PRKD1: variants seen among roughly 807,000 people sequenced by gnomAD.
PRKD1 encodes serine/threonine-protein kinase D1.
A neutral mutation model predicts 95.9 loss-of-function variants in PRKD1; 63 were observed. The ratio of observed to expected loss-of-function variants is 0.66; its 90% CI spans 0.54 to 0.81. The LOEUF (loss-of-function observed/expected upper bound fraction) is 0.81. PRKD1 is among the 30% of genes least tolerant of loss of function. The pLI is 0.00. For missense variants in PRKD1, 1,048 were observed against 1,165.3 expected (o/e 0.90, Z 1.47); for synonymous variants, 425 against 423.1 (o/e 1.00, Z -0.05).
intron 1 of PRKD1, among the ~76,000 whole-genome samples, chr14:29,805,363 G>A (rs1017535163): frequency 6.6e-6 from 1 of 152,080 alleles, no homozygotes; most frequent in Non-Finnish European, 1.5e-5. Context: ...AAATAACAGA[G>A]AAAAAGGCAA....
chr14:29,665,651 A>G, intron 3 of PRKD1, among the ~76,000 whole-genome samples: 1 of 152,118 alleles, frequency 6.6e-6, no homozygotes, highest in East Asian at 1.9e-4. Flanking sequence ...TATGGAATCA[A>G]CCTAAGTGCC....
At chr14:29,627,638 CTT>C (rs1879711467) in intron 11 of PRKD1, among the ~76,000 whole-genome samples, 1 of 152,086 alleles carries the variant, frequency 6.6e-6, no homozygotes, top group African/African-American at 2.4e-5. Context: ...TATACTCTGA[CTT>C]TATTTTTTTA....
chr14:29,691,149 A>G (rs1376887259), intron 2 of PRKD1, among the ~76,000 whole-genome samples: 1 of 152,164 alleles, frequency 6.6e-6, no homozygotes, highest in African/African-American at 2.4e-5. Context: ...GAAAGAGCCC[A>G]CTCATTTTTA....
At chr14:29,819,332 T>C (rs1279025342) in intron 1 of PRKD1, among the ~76,000 whole-genome samples, 2 of 152,046 alleles carry the variant, frequency 1.3e-5, no homozygotes, top group Non-Finnish European at 2.9e-5. Flanking sequence ...TGGTGCGTAA[T>C]ATCCTCAGAC....
At chr14:29,651,553 ATT>A (rs907363312) in intron 4 of PRKD1, among the ~76,000 whole-genome samples, 1 of 151,888 alleles carries the variant, frequency 6.6e-6, no homozygotes, top group African/African-American at 2.4e-5. Flanking sequence ...TAGAGGCTGA[ATT>A]TTCTCTAGTT....
chr14:29,802,548 C>T (rs1434549440), intron 1 of PRKD1, among the ~76,000 whole-genome samples: 1 of 152,152 alleles, frequency 6.6e-6, no homozygotes, highest in Non-Finnish European at 1.5e-5. Context: ...AAATTTAAAA[C>T]AAGGTAACAA....
Position 29,673,805 on chromosome 14 carries a change from T to C in PRKD1, c.404-7597A>G, listed in dbSNP as rs186416473. On this transcript the variant is annotated intron_variant, in intron 2 of 17. Coordinates refer to ENST00000331968, the MANE Select transcript of PRKD1 (RefSeq NM_002742.3). ...AGTTTACAAAGTGTCTAGCAGTGCT[T>C]TCCAGAGATGTTTTTGCTAGTACCT... 7.9e-5 allele frequency among the ~76,000 whole-genome samples: 12 copies of C among 152,310 alleles called. No individual in the cohort carries two copies. The East Asian group carries it at 2.3e-3, about 29-fold the overall frequency.
At chr14:29,827,688 A>G (rs938870178) in intron 1 of PRKD1, among the ~76,000 whole-genome samples, 2 of 146,072 alleles carry the variant, frequency 1.4e-5, no homozygotes, top group Non-Finnish European at 2.9e-5. Flanking sequence ...CTTAGAATAC[A>G]GCCTAACCAT....
rs549079223 is a variant in PRKD1 at position 29,905,099 on chromosome 14, C to T, written c.264+22150G>A. On this transcript the variant is annotated intron_variant, in intron 1 of 17. Coordinates refer to ENST00000331968, the MANE Select transcript of PRKD1 (RefSeq NM_002742.3). ...TACATACCAATGTACTTTGGGCAAA[C>T]GGTTGCATGCTACAGGCTGAAATGA... 3.9e-5 allele frequency among the ~76,000 whole-genome samples: 6 copies of T among 152,252 alleles called. No homozygotes were observed. In the South Asian group the frequency reaches 8.3e-4, roughly 21 times the overall value.
intron 3 of PRKD1, among the ~76,000 whole-genome samples, chr14:29,664,067 G>C (rs1882344567): frequency 6.6e-6 from 1 of 152,060 alleles, no homozygotes; most frequent in Non-Finnish European, 1.5e-5. Context: ...CACAAGCTCA[G>C]GAACTATGCT....
chr14:29,657,636 G>C (rs1881952622), intron 4 of PRKD1: 1 of 152,554 alleles, frequency 6.6e-6, no homozygotes, highest in Non-Finnish European at 1.5e-5. Context: ...GGAGGCCGAG[G>C]CAGGGGGATC....
Position 29,663,683 on chromosome 14 carries a change from A to T in PRKD1, c.696+16T>A. The T allele has an allele frequency of 1.2e-6, 2 of 1,611,200 alleles. No homozygotes were observed. Among genetic ancestry groups the T allele is most frequent in the Non-Finnish European group, 1.7e-6 (2 of 1,177,740 alleles). ...TTCTCATGTAAATGGGGAAGTGGGT[A>T]AACAGGAAGCCATACCAGAAGGGGC... On this transcript the variant is annotated intron_variant, in intron 4 of 17. Coordinates refer to ENST00000331968, the MANE Select transcript of PRKD1 (RefSeq NM_002742.3).
intron 1 of PRKD1, among the ~76,000 whole-genome samples, chr14:29,805,057 C>T (rs1274231385): frequency 6.6e-6 from 1 of 152,182 alleles, no homozygotes; most frequent in Non-Finnish European, 1.5e-5. Context: ...TATAGTGCTT[C>T]TCAAATTTTA....
At chr14:29,622,074 T>C (rs1185305533) in intron 13 of PRKD1, among the ~76,000 whole-genome samples, 1 of 152,152 alleles carries the variant, frequency 6.6e-6, no homozygotes, top group Non-Finnish European at 1.5e-5. Flanking sequence ...AGTTTTTCCA[T>C]GGGAGCATGG....
chr14:29,640,801 A>G (rs567809186), intron 4 of PRKD1, among the ~76,000 whole-genome samples: 31 of 152,222 alleles, frequency 2.0e-4, no homozygotes, highest in Non-Finnish European at 3.5e-4. Flanking sequence ...CAGATTTAAC[A>G]TGTTCTCAGA....
At chr14:29,868,553 T>G (rs1281666734) in intron 1 of PRKD1, among the ~76,000 whole-genome samples, 2 of 152,162 alleles carry the variant, frequency 1.3e-5, no homozygotes, top group East Asian at 3.9e-4. Context: ...AATCTTACCT[T>G]CACTGCATTT....
intron 6 of PRKD1, among the ~76,000 whole-genome samples, chr14:29,637,481 T>C (rs947621402): frequency 6.6e-6 from 1 of 152,176 alleles, no homozygotes; most frequent in Non-Finnish European, 1.5e-5. Flanking sequence ...TTTTTCTGAA[T>C]GTATAAGAAA....
chr14:29,927,132 C>A, intron 1 of PRKD1, 117 bp downstream of exon 1: 2 of 1,139,270 alleles, frequency 1.8e-6, no homozygotes, highest in South Asian at 3.5e-5. Context: ...AGAGCGCCGG[C>A]GAGGCTGGCG....
chr14:29,622,091 C>T lies in PRKD1; in HGVS notation c.1905+2061G>A, dbSNP rs1038025404. ...TTTTTCCATGGGAGCATGGAGGGGG[C>T]GGGCATTTAATTCTCATAAGGAGTG... On this transcript the variant is annotated intron_variant, in intron 13 of 17. Coordinates refer to ENST00000331968, the MANE Select transcript of PRKD1 (RefSeq NM_002742.3). 2.6e-5 allele frequency among the ~76,000 whole-genome samples: 4 copies of T among 152,152 alleles called. No homozygotes were observed. The South Asian group carries it at 6.2e-4, about 24-fold the overall frequency.
Sources: allele counts gnomAD v4.1 joint callset (sites outside exome capture counted in the v4.1 genomes callset), GRCh38; gene constraint gnomAD v4.1.1; transcripts MANE v1.5; gene names NCBI Gene and HGNC (gene_info 2026-07-23, HGNC 2026-07-21).